XPNPEP1: variants seen among roughly 807,000 people sequenced by gnomAD.
XPNPEP1 encodes xaa-Pro aminopeptidase 1.
Under a neutral mutation model 92.4 loss-of-function variants are expected in XPNPEP1, and 39 were observed. That is an observed-to-expected ratio of 0.42 (90% confidence interval 0.33 to 0.55). XPNPEP1 has a LOEUF of 0.55. Among genes scored for constraint, XPNPEP1 ranks in the 20% least tolerant of loss-of-function variants. The probability of loss-of-function intolerance (pLI) is 0.08; values close to 1 mark genes in which losing one functional copy is unlikely to be tolerated. For missense variants in XPNPEP1, 654 were observed against 856.1 expected, an observed-to-expected ratio of 0.76 and a Z score of 2.95; for synonymous variants, 307 against 299.4, an observed-to-expected ratio of 1.03 and a Z score of -0.26.
chr10:109,903,845 CTTT>C (rs111845864), intron 3 of XPNPEP1, among the ~76,000 whole-genome samples: 16 of 135,536 alleles, frequency 1.2e-4, no homozygotes, highest in Admixed American at 1.5e-4. Context: ...GTTGGTCAAT[CTTT>C]TTTTTTTTTT....
rs186208062 is a variant in XPNPEP1 at position 109,886,126 on chromosome 10, C to T, written c.748+120G>A. ...GGCATCTCCTATACCCATTTGGTGA[C>T]GTAGTCTTCTTCTTATTCCCTGGCC... On this transcript the variant is annotated intron_variant, in intron 8 of 20. Transcript: ENST00000502935. 1,206 of 952,702 alleles carry T rather than the reference C, an allele frequency of 1.3e-3. 4 individuals carry two copies. Among genetic ancestry groups the T allele is most frequent in the Non-Finnish European group, 1.5e-3 (917 of 619,964 alleles). The allele number at this position is 952,702 out of a possible 1,614,324, so 59.0% of individuals were successfully genotyped here. A position where few individuals can be genotyped will look rare whatever the true frequency, so the allele number is the denominator to read the frequency against.
In XPNPEP1 at chr10:109,896,413, G is replaced by C. The variant is rs935538745; in HGVS notation, c.247-3338C>G. Among the ~76,000 whole-genome samples the C allele has an allele frequency of 2.0e-5, 3 of 150,450 alleles. No homozygotes were observed. The Admixed American group carries it at 2.0e-4, about 10-fold the overall frequency. On this transcript the variant is annotated intron_variant, in intron 3 of 20. Coordinates refer to ENST00000502935, the MANE Select transcript of XPNPEP1 (RefSeq NM_020383.4). ...CCCACCTCAATCTTCTCAATAGCTGGGACTACAGCAGGCACACACCTTTTT... is the reference window on the plus strand; with the variant it reads ...CCCACCTCAATCTTCTCAATAGCTGCGACTACAGCAGGCACACACCTTTTT...
intron 14 of XPNPEP1, chr10:109,875,841 A>G (rs1360416890): frequency 2.5e-6 from 1 of 397,190 alleles, no homozygotes; most frequent in Non-Finnish European, 4.6e-6. Flanking sequence ...AAAGTAACAC[A>G]TTTCTTTATG....
intron 14 of XPNPEP1, chr10:109,876,254 G>A (rs759708019): frequency 1.3e-5 from 2 of 152,280 alleles, no homozygotes; most frequent in Non-Finnish European, 2.9e-5. Flanking sequence ...CACTGCACTG[G>A]GAAACACCCA....
At chr10:109,900,518 C>T (rs530308193) in intron 3 of XPNPEP1, among the ~76,000 whole-genome samples, 1 of 152,294 alleles carries the variant, frequency 6.6e-6, no homozygotes, top group East Asian at 1.9e-4. Flanking sequence ...GCACCACAAA[C>T]ACTCCCAGGC....
At chr10:109,877,743 G>A (rs1847860774) in intron 14 of XPNPEP1, 47 bp downstream of exon 14, 3 of 1,611,840 alleles carry the variant, frequency 1.9e-6, no homozygotes, top group Admixed American at 1.7e-5. Context: ...TCAGGCTCCT[G>A]TGCAGAAGCA....
intron 7 of XPNPEP1, 149 bp downstream of exon 7, chr10:109,887,900 T>C: frequency 8.7e-7 from 1 of 1,151,402 alleles, no homozygotes; most frequent in Non-Finnish European, 1.2e-6. Flanking sequence ...AAGCTCCTGC[T>C]TCTTCAAATA....
chr10:109,905,448 T>A (rs1849508736), intron 3 of XPNPEP1, among the ~76,000 whole-genome samples: 2 of 152,126 alleles, frequency 1.3e-5, no homozygotes, highest in South Asian at 2.1e-4. Context: ...GACCTCATGA[T>A]CCGCCTGCCT....
At chr10:109,906,720 C>A (rs973646962) in intron 3 of XPNPEP1, among the ~76,000 whole-genome samples, 2 of 152,228 alleles carry the variant, frequency 1.3e-5, no homozygotes, top group Non-Finnish European at 2.9e-5. Flanking sequence ...ACCTGTCCCA[C>A]TGTTTCTGAA....
chr10:109,882,591 C>T lies in XPNPEP1; in HGVS notation c.882G>A (p.Leu294=), dbSNP rs762883933. 3.1e-6 allele frequency: 5 copies of T among 1,614,192 alleles called. No homozygotes were observed. The highest frequency in any genetic ancestry group is 4.2e-6 in the Non-Finnish European group (5 of 1,180,002). ...RIDAPSVKEH[L]LLDLGLEAEY... The stretch of plus-strand genomic sequence containing the variant: ...CGGCTTCCAGACCCAAGTCAAGAAG[C>T]AGGTGCTCCTTCACACTGGGGGCGT... The change falls in exon 10 of 21, where the codon CTG becomes CTA. Residue 294 remains leucine (L), a synonymous_variant. Transcript: ENST00000502935.
intron 3 of XPNPEP1, among the ~76,000 whole-genome samples, chr10:109,896,596 A>G (rs900455096): frequency 6.6e-6 from 1 of 151,868 alleles, no homozygotes; most frequent in Non-Finnish European, 1.5e-5. Flanking sequence ...TGAACTTTTT[A>G]TATGTTTATT....
At chr10:109,914,044 T>G (rs1184390379) in intron 2 of XPNPEP1, among the ~76,000 whole-genome samples, 1 of 151,386 alleles carries the variant, frequency 6.6e-6, no homozygotes, top group Admixed American at 6.6e-5. Context: ...TAGACGGGCA[T>G]GGTTTCTTAT....
chr10:109,915,368 C>T (rs1399501285), intron 1 of XPNPEP1, among the ~76,000 whole-genome samples: 2 of 152,212 alleles, frequency 1.3e-5, no homozygotes, highest in African/African-American at 4.8e-5. Flanking sequence ...GACTTATTTT[C>T]AATGTTTTTT....
chr10:109,885,378 C>T (rs749347019), intron 8 of XPNPEP1, among the ~76,000 whole-genome samples: 14 of 152,026 alleles, frequency 9.2e-5, no homozygotes, highest in Non-Finnish European at 1.3e-4. Context: ...AGAATTTATA[C>T]GTGATTTTTT....
At chr10:109,875,824 C>T in intron 14 of XPNPEP1, 1 of 427,962 alleles carries the variant, frequency 2.3e-6, no homozygotes, top group South Asian at 3.3e-5. Context: ...AAGAGCTCAA[C>T]AAAGGAAAAG....
Position 109,867,700 on chromosome 10 carries a change from C to CCA in XPNPEP1, c.1872+912_1872+913dup, listed in dbSNP as rs1485860022. 1.3e-5 allele frequency among the ~76,000 whole-genome samples: 2 copies of CCA among 152,230 alleles called. No individual in the cohort carries two copies. The highest frequency in any genetic ancestry group is 2.4e-5 in the African/African-American group (1 of 41,460). ...TCCTGCCTTGAGAGGCACTCAAAGGCCATTGGCTGCCTCAGATAACAAAAT... is the reference window on the plus strand; with the variant it reads ...TCCTGCCTTGAGAGGCACTCAAAGGCCACATTGGCTGCCTCAGATAACAAAAT... On this transcript the variant is annotated intron_variant, in intron 20 of 20. Transcript: ENST00000502935. This position sits in a 1 kb window ranked among gnomAD's most constrained non-coding sequence, Gnocchi z 4.5.
intron 3 of XPNPEP1, among the ~76,000 whole-genome samples, chr10:109,899,830 G>A (rs867860253): frequency 2.0e-5 from 3 of 152,236 alleles, no homozygotes; most frequent in African/African-American, 7.2e-5. Flanking sequence ...TGAGGAGGAT[G>A]AGGAATCAAG....
intron 2 of XPNPEP1, among the ~76,000 whole-genome samples, chr10:109,913,747 C>T (rs1431576657): frequency 2.0e-5 from 3 of 152,196 alleles, no homozygotes; most frequent in South Asian, 2.1e-4. Flanking sequence ...CTAAGACCAA[C>T]AGAAGCAAAA....
intron 13 of XPNPEP1, 45 bp from the exon 14 acceptor site, chr10:109,877,912 TG>T (rs1564752944): frequency 6.2e-7 from 1 of 1,614,208 alleles, no homozygotes; most frequent in Admixed American, 1.7e-5. Context: ...AGGTTTTTAC[TG>T]TGCTAAGATT....
Sources: allele counts gnomAD v4.1 joint callset (sites outside exome capture counted in the v4.1 genomes callset), GRCh38; gene constraint gnomAD v4.1.1; non-coding constraint Gnocchi (gnomAD v3.1); transcripts MANE v1.5; gene names NCBI Gene and HGNC (gene_info 2026-07-23, HGNC 2026-07-21).